Variants in DUSP6 observed in about 807,000 individuals in gnomAD.
DUSP6 encodes dual specificity phosphatase 6.
DUSP6 carries 6 observed loss-of-function variants against 28.0 expected under a neutral mutation model. The ratio of observed to expected loss-of-function variants is 0.21; its 90% CI spans 0.12 to 0.42. The LOEUF (loss-of-function observed/expected upper bound fraction) is 0.42, where lower values mean the gene tolerates loss of function less well. Ranked by LOEUF, DUSP6 falls within the 10% of genes least tolerant of loss-of-function variation. The pLI is 1.00. For missense variants in DUSP6, 451 were observed against 498.1 expected, an observed-to-expected ratio of 0.91 and a Z score of 0.90; for synonymous variants, 252 against 217.5, an observed-to-expected ratio of 1.16 and a Z score of -1.40.
intron 2 of DUSP6, among the ~76,000 whole-genome samples, chr12:89,349,974 C>T (rs1879126063): frequency 6.6e-6 from 1 of 152,176 alleles, no homozygotes; most frequent in African/African-American, 2.4e-5. Flanking sequence ...AGGGAAGTCA[C>T]AGGGGACGGC....
chr12:89,350,190 C>A (rs1193980094), intron 2 of DUSP6, among the ~76,000 whole-genome samples: 1 of 152,238 alleles, frequency 6.6e-6, no homozygotes, highest in Non-Finnish European at 1.5e-5. Flanking sequence ...TGCTTTCCAA[C>A]AACTAACTTG....
rs1248096676 is a variant in DUSP6 at position 89,349,361 on chromosome 12, G to A, written c.1039C>T (p.Leu347=). The change falls in exon 3 of 3, where the codon CTG becomes TTG. Residue 347 remains leucine, a synonymous_variant. Transcript: ENST00000279488. The part of the protein sequence containing the change: ...MGQLLDFERT[L]GLSSPCDNRV... ...TTGTCACATGGGCTGCTGAGTCCCA[G>A]CGTCCTCTCGAAGTCCAGCAGCTGA... 1 of 1,614,174 alleles carries A rather than the reference G, an allele frequency of 6.2e-7. No homozygotes were observed. The highest frequency in any genetic ancestry group is 1.1e-5 in the South Asian group (1 of 91,086).
intron 2 of DUSP6, 137 bp downstream of exon 2, chr12:89,350,451 A>T (rs1879142519): frequency 1.2e-6 from 1 of 856,016 alleles, no homozygotes; most frequent in Non-Finnish European, 1.8e-6. Context: ...AACCAGAATT[A>T]AGGACGCTCT....
rs1879155450 is a variant in DUSP6, at chr12:89,350,816, G to T, written c.610C>A (p.Pro204Thr). The change falls in exon 2 of 3, where the codon CCT becomes ACT. Residue 204 changes from proline (P) to threonine (T), a missense_variant. By Grantham distance (38) the Pro-to-Thr change is conservative. Coordinates refer to ENST00000279488, the MANE Select transcript of DUSP6 (RefSeq NM_001946.4). Reference protein sequence around the residue: ...SDGSPLSNSQPSFPVEILPFL... With the variant: ...SDGSPLSNSQTSFPVEILPFL... ...GGCAAGATCTCCACTGGGAAGGAAGGCTGGCTGTTGGACAGCGGACTACCA... is the reference window on the plus strand; with the variant it reads ...GGCAAGATCTCCACTGGGAAGGAAGTCTGGCTGTTGGACAGCGGACTACCA... 1 of 1,614,004 alleles carries T rather than the reference G, an allele frequency of 6.2e-7. No individual in the cohort carries two copies. The highest frequency in any genetic ancestry group is 1.3e-5 in the African/African-American group (1 of 74,914).
Position 89,351,722 on chromosome 12 carries a change from G to A in DUSP6, c.318C>T (p.Asn106=), listed in dbSNP as rs749364594. The change falls in exon 1 of 3, where the codon AAC becomes AAT. Residue 106 remains asparagine, a synonymous_variant. Transcript: ENST00000279488. ...GCACCGACTCGCCGCCCGTATTCTC[G>A]TTCCAGTCGCTGCTGCTCTCGTCGT... ...VLYDESSSDW[N]ENTGGESVLG... is the part of the protein sequence containing the mutation. The A allele has an allele frequency of 1.2e-6, 2 of 1,606,242 alleles. No individual in the cohort carries two copies. Among genetic ancestry groups the A allele is most frequent in the South Asian group, 2.2e-5 (2 of 89,808 alleles).
rs759559063 is a variant in DUSP6, at chr12:89,351,060, G to A, written c.401-35C>T. 9 of 1,538,754 alleles carry A rather than the reference G, an allele frequency of 5.8e-6. No individual in the cohort carries two copies. The South Asian group carries it at 7.1e-5, about 12-fold the overall frequency. ...CGAGAAAAGCAATCATCTAACCTGA[G>A]AAGCCGTAGTAGTTTTCACAGCTTG... On this transcript the variant is annotated intron_variant, in intron 1 of 2. Transcript: ENST00000279488.
At chr12:89,351,110 A>G in intron 1 of DUSP6, 85 bp from the exon 2 acceptor site, 2 of 1,419,420 alleles carry the variant, frequency 1.4e-6, no homozygotes, top group Non-Finnish European at 9.4e-7. Context: ...CGGCGCAAGA[A>G]ACACCACAAG....
At position 89,350,907 on chromosome 12, in the gene DUSP6, G is replaced by C; in HGVS notation, c.519C>G (p.Ser173Arg). ...ACTCGATGTCCGAGGAAGAGTCAGAGCTGATCCGCAGGCCCCCGAGCCCCA... is the reference window on the plus strand; with the variant it reads ...ACTCGATGTCCGAGGAAGAGTCAGACCTGATCCGCAGGCCCCCGAGCCCCA... ...PVLGLGGLRI[S>R]SDSSSDIESD... Residue 173 changes from serine (S) to arginine (R), a missense_variant, in exon 2 of 3, where the codon AGC (serine) becomes AGG (arginine). This residue lies in a region of DUSP6 where 347 missense variants were observed against 346.6 expected (regional missense o/e 1.00). Coordinates refer to ENST00000279488, the MANE Select transcript of DUSP6 (RefSeq NM_001946.4). 1.2e-6 allele frequency: 2 copies of C among 1,613,918 alleles called. No individual in the cohort carries two copies. The highest frequency in any genetic ancestry group is 1.7e-6 in the Non-Finnish European group (2 of 1,179,944).
In DUSP6 at chr12:89,352,030, T is replaced by C. The variant is rs1335435890; in HGVS notation, c.10A>G (p.Thr4Ala). Residue 4 changes from threonine (T) to alanine (A), a missense_variant, in exon 1 of 3, where the codon ACG (threonine) becomes GCG (alanine). Transcript: ENST00000279488. MIDTLRPVPFASEM... is the reference protein window; with the variant it reads MIDALRPVPFASEM... ...GACGCGAAGGGCACGGGTCTGAGCG[T>C]ATCTATCATGGGGGTCGAGCTGCGG... The C allele has an allele frequency of 1.9e-6, 3 of 1,611,120 alleles. No individual in the cohort carries two copies. The highest frequency in any genetic ancestry group is 2.5e-6 in the Non-Finnish European group (3 of 1,178,590).
Position 89,350,934 on chromosome 12 carries a change from C to T in DUSP6, c.492G>A (p.Val164=), listed in dbSNP as rs764233683. The T allele has an allele frequency of 1.9e-6, 3 of 1,613,752 alleles. No homozygotes were observed. The highest frequency in any genetic ancestry group is 1.7e-6 in the Non-Finnish European group (2 of 1,179,936). Residue 164 remains valine (V), a synonymous_variant, in exon 2 of 3, where the codon GTG becomes GTA. Transcript: ENST00000279488. ...TGATCCGCAGGCCCCCGAGCCCCAG[C>T]ACTGGCAACGGCGGCGAGCTGCTGC... ...SCSSSSPPLP[V]LGLGGLRISS...
Position 89,350,886 on chromosome 12 carries a change from G to A in DUSP6, c.540C>T (p.Ile180=). The stretch of plus-strand genomic sequence containing the variant: ...TGGGGTCTCGGTCAAGGTCAGACTC[G>A]ATGTCCGAGGAAGAGTCAGAGCTGA... The part of the protein sequence containing the change: ...LRISSDSSSD[I]ESDLDRDPNS... Residue 180 remains isoleucine (I), a synonymous_variant, in exon 2 of 3, where the codon ATC becomes ATT. Transcript: ENST00000279488. 2 of 1,613,952 alleles carry A rather than the reference G, an allele frequency of 1.2e-6. No homozygotes were observed. Among genetic ancestry groups the A allele is most frequent in the African/African-American group, 1.3e-5 (1 of 75,022 alleles).
In DUSP6 at chr12:89,352,379, C is replaced by T. The variant is rs189094409; in HGVS notation, c.-340G>A. ...AAAAGTCTAGCGGCTTCTAATCCCT[C>T]CCTCCAAGGCTGCACCTCAAATCTA... On this transcript the variant is annotated 5_prime_UTR_variant, in exon 1 of 3. Transcript: ENST00000279488. The T allele has an allele frequency of 8.6e-4, 258 of 300,022 alleles. No individual in the cohort carries two copies. The highest frequency in any genetic ancestry group is 5.1e-3 in the African/African-American group (241 of 47,004). 18.6% of individuals were successfully genotyped at this position (300,022 alleles called of 1,614,324 possible). A position where few individuals can be genotyped will look rare whatever the true frequency, so the allele number is the denominator to read the frequency against.
intron 1 of DUSP6, 45 bp downstream of exon 1, chr12:89,351,595 G>C (rs778521021): frequency 6.5e-7 from 1 of 1,532,042 alleles, no homozygotes; most frequent in Non-Finnish European, 8.8e-7. Flanking sequence ...CCGCAGCCCT[G>C]CGCCCCTAGC....
rs919339624 is a variant in DUSP6 at position 89,348,863 on chromosome 12, A to C, written c.*391T>G. ...TATATGCAAAATTGAATTAGTCTTC[A>C]TTGAAGACAATTATATAGTCAGTTC... On this transcript the variant is annotated 3_prime_UTR_variant, in exon 3 of 3. Coordinates refer to ENST00000279488, the MANE Select transcript of DUSP6 (RefSeq NM_001946.4). 4.9e-5 allele frequency: 8 copies of C among 163,996 alleles called. No homozygotes were observed. Among genetic ancestry groups the C allele is most frequent in the African/African-American group, 1.9e-4 (8 of 41,850 alleles). 10.2% of individuals were successfully genotyped at this position (163,996 alleles called of 1,614,324 possible). A position where few individuals can be genotyped will look rare whatever the true frequency, so the allele number is the denominator to read the frequency against.
rs769997603 is a variant in DUSP6 at position 89,352,047 on chromosome 12, G to C, written c.-8C>G. The C allele has an allele frequency of 6.3e-5, 101 of 1,604,410 alleles. No homozygotes were observed. The highest frequency in any genetic ancestry group is 7.5e-5 in the Non-Finnish European group (88 of 1,173,234). On this transcript the variant is annotated 5_prime_UTR_variant, in exon 1 of 3. Coordinates refer to ENST00000279488, the MANE Select transcript of DUSP6 (RefSeq NM_001946.4). ...TCTGAGCGTATCTATCATGGGGGTC[G>C]AGCTGCGGGAGAGGGCGGGGTGCCT... is the stretch of plus-strand genomic sequence containing the variant.
intron 2 of DUSP6, 52 bp downstream of exon 2, chr12:89,350,536 G>A (rs1196359678): frequency 1.3e-6 from 2 of 1,535,624 alleles, no homozygotes; most frequent in African/African-American, 1.4e-5. Flanking sequence ...TCTATGAATG[G>A]CTAGGAATTT....
Position 89,352,097 on chromosome 12 carries a change from T to C in DUSP6, c.-58A>G, listed in dbSNP as rs1233160494. 1.8e-5 allele frequency: 28 copies of C among 1,553,300 alleles called. No homozygotes were observed. Among genetic ancestry groups the C allele is most frequent in the East Asian group, 2.3e-5 (1 of 44,094 alleles). On this transcript the variant is annotated 5_prime_UTR_variant, in exon 1 of 3. It removes an upstream start codon present in the reference 5' UTR. Transcript: ENST00000279488. Reference sequence around the variant, plus strand: ...TACCAGACGCCCCTCGGGGCAGGCATAGGCCGAGCGCACCGCGCGCGAAGC... The same window carrying C: ...TACCAGACGCCCCTCGGGGCAGGCACAGGCCGAGCGCACCGCGCGCGAAGC...
In DUSP6 at chr12:89,350,721, G is replaced by A. The variant is rs1260306814; in HGVS notation, c.705C>T (p.Tyr235=). The A allele has an allele frequency of 1.2e-6, 2 of 1,614,178 alleles. No individual in the cohort carries two copies. The highest frequency in any genetic ancestry group is 1.7e-6 in the Non-Finnish European group (2 of 1,180,040). ...GCAAATTGGGGGTGACGTTCAAGATGTACTTGATGCCGAATTCCTCCAACA... is the reference window on the plus strand; with the variant it reads ...GCAAATTGGGGGTGACGTTCAAGATATACTTGATGCCGAATTCCTCCAACA... ...LDVLEEFGIK[Y]ILNVTPNLPN... The change falls in exon 2 of 3, where the codon TAC becomes TAT. Residue 235 remains tyrosine, a synonymous_variant. Coordinates refer to ENST00000279488, the MANE Select transcript of DUSP6 (RefSeq NM_001946.4).
At chr12:89,351,458 C>G (rs1031560498) in intron 1 of DUSP6, 182 bp downstream of exon 1, 2 of 1,062,528 alleles carry the variant, frequency 1.9e-6, no homozygotes, top group Non-Finnish European at 2.6e-6. Flanking sequence ...TGAGCCGGCC[C>G]GGTTCTCTGG....
Sources: allele counts gnomAD v4.1 joint callset (sites outside exome capture counted in the v4.1 genomes callset), GRCh38; gene constraint gnomAD v4.1.1; regional missense constraint gnomAD v4.1.1; transcripts MANE v1.5; gene names NCBI Gene and HGNC (gene_info 2026-07-23, HGNC 2026-07-21).